The following DAB1 variants were observed in gnomAD, a reference collection of about 807,000 sequenced individuals.
DAB1 encodes disabled homolog 1.
DAB1 carries 15 observed loss-of-function variants against 64.6 expected under a neutral mutation model. The ratio of observed to expected loss-of-function variants is 0.23; its 90% CI spans 0.16 to 0.36. DAB1 has a LOEUF of 0.36. Ranked by LOEUF, DAB1 falls within the 10% of genes least tolerant of loss-of-function variation. The probability of loss-of-function intolerance (pLI) is 1.00; values close to 1 mark genes in which losing one functional copy is unlikely to be tolerated. For missense variants in DAB1, 596 were observed against 706.7 expected, an observed-to-expected ratio of 0.84 and a Z score of 1.78; for synonymous variants, 235 against 251.9, an observed-to-expected ratio of 0.93 and a Z score of 0.64.
intron 6 of DAB1, among the ~76,000 whole-genome samples, chr1:57,663,465 T>C (rs940135167): frequency 6.6e-5 from 10 of 152,236 alleles, no homozygotes; most frequent in Admixed American, 6.5e-4. Flanking sequence ...AAAGGATTTC[T>C]GGCCTCAGAT....
chr1:57,158,914 A>G (rs1210584803), intron 2 of DAB1, among the ~76,000 whole-genome samples: 1 of 152,230 alleles, frequency 6.6e-6, no homozygotes, highest in Admixed American at 6.5e-5. Flanking sequence ...AGTGCCTTGC[A>G]TAAAAGGCAT....
intron 1 of DAB1, among the ~76,000 whole-genome samples, chr1:57,375,491 G>A (rs1467458422): frequency 2.0e-5 from 3 of 152,164 alleles, no homozygotes; most frequent in African/African-American, 7.2e-5. Context: ...AAGCTCTAAG[G>A]AAGCTCTTTT....
At chr1:58,008,656 A>G (rs1465786536) in intron 5 of DAB1, among the ~76,000 whole-genome samples, 1 of 152,168 alleles carries the variant, frequency 6.6e-6, no homozygotes, top group East Asian at 1.9e-4. Flanking sequence ...AGAACTTCTG[A>G]TGCTACATAA....
intron 5 of DAB1, among the ~76,000 whole-genome samples, chr1:58,008,371 T>A (rs1426974340): frequency 6.6e-6 from 1 of 151,968 alleles, no homozygotes; most frequent in East Asian, 1.9e-4. Context: ...CATAAAACAC[T>A]ATGAAAACTT....
At chr1:57,521,803 G>T (rs1460832144) in intron 7 of DAB1, among the ~76,000 whole-genome samples, 1 of 152,114 alleles carries the variant, frequency 6.6e-6, no homozygotes, top group African/African-American at 2.4e-5. Flanking sequence ...TACAGAGGGG[G>T]TATCAAAGAG....
intron 1 of DAB1, among the ~76,000 whole-genome samples, chr1:57,313,237 C>T (rs900780862): frequency 1.3e-5 from 2 of 152,062 alleles, no homozygotes; most frequent in Non-Finnish European, 1.5e-5. Context: ...CTGTGTGGGT[C>T]CTGCTTTGCC....
At chr1:57,789,489 G>A (rs1650492108) in intron 6 of DAB1, among the ~76,000 whole-genome samples, 1 of 152,172 alleles carries the variant, frequency 6.6e-6, no homozygotes. Context: ...GTGCCAGCAT[G>A]GTTGGGTTCT....
intron 5 of DAB1, among the ~76,000 whole-genome samples, chr1:58,141,056 C>A (rs1019131881): frequency 6.6e-6 from 1 of 152,094 alleles, no homozygotes; most frequent in African/African-American, 2.4e-5. Context: ...CCTAGGGAGG[C>A]CTCAGGGAGC....
chr1:57,667,455 G>T (rs1646461467), intron 6 of DAB1, among the ~76,000 whole-genome samples: 1 of 151,954 alleles, frequency 6.6e-6, no homozygotes, highest in South Asian at 2.1e-4. Context: ...TTTGTTTATT[G>T]TTTCTCTCAT....
At chr1:57,057,885 GGC>G (rs1350082148) in intron 9 of DAB1, among the ~76,000 whole-genome samples, 1 of 152,126 alleles carries the variant, frequency 6.6e-6, no homozygotes, top group Non-Finnish European at 1.5e-5. Context: ...TGGGATTACA[GGC>G]ATGAGCCACC....
At chr1:57,431,691 C>T (rs972263622) in intron 7 of DAB1, among the ~76,000 whole-genome samples, 1 of 152,160 alleles carries the variant, frequency 6.6e-6, no homozygotes, top group Non-Finnish European at 1.5e-5. Flanking sequence ...GCTAAATGCA[C>T]AGTAGAAACA....
At chr1:57,499,514 C>T (rs1039678696) in intron 7 of DAB1, among the ~76,000 whole-genome samples, 2 of 152,058 alleles carry the variant, frequency 1.3e-5, no homozygotes, top group Non-Finnish European at 2.9e-5. Flanking sequence ...GGTGGTCATG[C>T]CATTCTGCCC....
At chr1:58,502,439 ACT>A (rs1645921679) in intron 3 of DAB1, among the ~76,000 whole-genome samples, 1 of 152,046 alleles carries the variant, frequency 6.6e-6, no homozygotes, top group South Asian at 2.1e-4. Context: ...TTTTTAGATG[ACT>A]CTGAAACTCT....
chr1:57,956,080 G>A (rs1441245771), intron 5 of DAB1, among the ~76,000 whole-genome samples: 1 of 152,126 alleles, frequency 6.6e-6, no homozygotes, highest in African/African-American at 2.4e-5. Context: ...AAAAGAATCT[G>A]TTGTGTCAGA....
chr1:58,110,042 C>A (rs1651884735), intron 5 of DAB1, among the ~76,000 whole-genome samples: 2 of 152,212 alleles, frequency 1.3e-5, no homozygotes, highest in African/African-American at 2.4e-5. Context: ...CAGGGACTCT[C>A]CCTAGAACTT....
chr1:57,879,313 CCT>C (rs1466613920), intron 1 of DAB1, among the ~76,000 whole-genome samples: 1 of 152,138 alleles, frequency 6.6e-6, no homozygotes, highest in Non-Finnish European at 1.5e-5. Context: ...GTATGATCTT[CCT>C]CTCTCTTTCC....
At chr1:57,814,708 G>A (rs12039828) in intron 6 of DAB1, among the ~76,000 whole-genome samples, 36,953 of 152,096 alleles carry the variant, frequency 0.24, 5,271 homozygotes, top group East Asian at 0.41. Flanking sequence ...GCAAAATCAA[G>A]ATTTGAATCT....
intron 7 of DAB1, among the ~76,000 whole-genome samples, chr1:57,613,362 C>T (rs1298990754): frequency 1.3e-5 from 2 of 152,218 alleles, no homozygotes; most frequent in African/African-American, 2.4e-5. Context: ...TGAGAGCCTA[C>T]AGCAGGTGGG....
intron 5 of DAB1, among the ~76,000 whole-genome samples, chr1:58,115,174 G>C (rs1357913854): frequency 8.6e-6 from 1 of 116,796 alleles, no homozygotes; most frequent in African/African-American, 3.4e-5. Flanking sequence ...AAAAGTGGGC[G>C]AAGGACATGA....
Sources: allele counts gnomAD v4.1 joint callset (sites outside exome capture counted in the v4.1 genomes callset), GRCh38; gene constraint gnomAD v4.1.1; transcripts MANE v1.5; gene names NCBI Gene and HGNC (gene_info 2026-07-23, HGNC 2026-07-21).